Variants in SV2C observed in about 807,000 individuals in gnomAD.
SV2C encodes the protein synaptic vesicle glycoprotein 2C, also known as solute carrier family 22 member B3.
In SV2C, 49 loss-of-function variants were observed where a neutral mutation model predicts 79.7. That is an observed-to-expected ratio of 0.61 (90% CI 0.49 to 0.78). SV2C has a LOEUF of 0.78. Among genes scored for constraint, SV2C ranks in the 30% least tolerant of loss-of-function variants. The pLI, the probability that SV2C is intolerant of heterozygous loss-of-function variation, is 0.00. For missense variants in SV2C, 833 were observed against 912.9 expected, an observed-to-expected ratio of 0.91 and a Z score of 1.13; for synonymous variants, 334 against 333.2, an observed-to-expected ratio of 1.00 and a Z score of -0.03.
intron 2 of SV2C, among the ~76,000 whole-genome samples, chr5:76,167,111 G>A (rs1743069306): frequency 6.6e-6 from 1 of 152,192 alleles, no homozygotes; most frequent in Non-Finnish European, 1.5e-5. Flanking sequence ...ATTCTGTCAT[G>A]CTACCGGAAA....
At chr5:75,969,509 G>A in the SV2C span, among the ~76,000 whole-genome samples, 5 of 152,124 alleles carry the variant, frequency 3.3e-5, no homozygotes, top group Non-Finnish European at 7.4e-5. Flanking sequence ...ACAAAAAAAG[G>A]CAGGCATTGC....
the SV2C span, among the ~76,000 whole-genome samples, chr5:75,878,437 C>G: frequency 6.6e-6 from 1 of 152,100 alleles, no homozygotes; most frequent in Non-Finnish European, 1.5e-5. Flanking sequence ...TGCATCTATA[C>G]TGTGTAGTAA....
chr5:75,884,783 TATGTCA>T, the SV2C span, among the ~76,000 whole-genome samples: 1 of 151,932 alleles, frequency 6.6e-6, no homozygotes, highest in Non-Finnish European at 1.5e-5. Flanking sequence ...ACAACTATTA[TATGTCA>T]ATTATAAATA....
At chr5:76,258,774 C>T (rs139364739) in intron 4 of SV2C, among the ~76,000 whole-genome samples, 2 of 152,266 alleles carry the variant, frequency 1.3e-5, no homozygotes, top group East Asian at 3.9e-4. Context: ...TAACCACCAC[C>T]CAAATCAGGA....
the SV2C span, among the ~76,000 whole-genome samples, chr5:75,968,676 T>C: frequency 1.3e-5 from 2 of 152,132 alleles, no homozygotes; most frequent in African/African-American, 4.8e-5. Context: ...TGGGACTATG[T>C]GAAAAGACCA....
At chr5:76,287,135 T>A (rs1747383221) in intron 6 of SV2C, among the ~76,000 whole-genome samples, 1 of 152,262 alleles carries the variant, frequency 6.6e-6, no homozygotes, top group Non-Finnish European at 1.5e-5. Context: ...TATCTTGTTC[T>A]AATTTGTGAA....
chr5:75,877,797 T>C, the SV2C span, among the ~76,000 whole-genome samples: 17 of 152,190 alleles, frequency 1.1e-4, no homozygotes, highest in African/African-American at 3.8e-4. Context: ...TGTTGAAGGG[T>C]ATAAGTGTTT....
the SV2C span, among the ~76,000 whole-genome samples, chr5:75,869,932 A>G: frequency 2.0e-5 from 3 of 152,136 alleles, no homozygotes; most frequent in Non-Finnish European, 4.4e-5. Flanking sequence ...AGTCTGCAAA[A>G]CCACAGCGTT....
At chr5:75,850,760 AAAGGAGCTGACTGC>A in the SV2C span, among the ~76,000 whole-genome samples, 7 of 152,188 alleles carry the variant, frequency 4.6e-5, no homozygotes, top group Admixed American at 4.6e-4. Context: ...GGTCAGCAAG[AAAGGAGCTGACTGC>A]AAGGAGACAA....
chr5:75,973,175 G>A, the SV2C span, among the ~76,000 whole-genome samples: 65 of 151,776 alleles, frequency 4.3e-4, no homozygotes, highest in South Asian at 8.3e-4. Context: ...GGGGACGGTT[G>A]TGGGGTGGGG....
the SV2C span, among the ~76,000 whole-genome samples, chr5:76,019,693 C>T: frequency 1.6e-4 from 24 of 151,682 alleles, no homozygotes; most frequent in South Asian, 1.0e-3. Context: ...GTGTCTTGTA[C>T]GCATGAATGA....
At chr5:75,975,138 C>A in the SV2C span, among the ~76,000 whole-genome samples, 1 of 152,226 alleles carries the variant, frequency 6.6e-6, no homozygotes, top group South Asian at 2.1e-4. Context: ...CACTGAAGAG[C>A]CAAACCAAAA....
the SV2C span, among the ~76,000 whole-genome samples, chr5:75,861,337 G>A: frequency 6.6e-6 from 1 of 152,198 alleles, no homozygotes; most frequent in Non-Finnish European, 1.5e-5. Context: ...TGCTGGTGAG[G>A]CTATGGAGAA....
intron 2 of SV2C, among the ~76,000 whole-genome samples, chr5:76,187,983 G>T (rs1401211650): frequency 1.3e-5 from 2 of 152,054 alleles, no homozygotes; most frequent in Admixed American, 1.3e-4. Context: ...TGTTGGTCGG[G>T]TGCAGTGACT....
At chr5:76,258,666 G>A (rs925909206) in intron 4 of SV2C, among the ~76,000 whole-genome samples, 2 of 151,950 alleles carry the variant, frequency 1.3e-5, no homozygotes, top group East Asian at 1.9e-4. Flanking sequence ...TGTTGTTATC[G>A]CACCACTCTT....
intron 2 of SV2C, among the ~76,000 whole-genome samples, chr5:76,163,264 T>A (rs1482576696): frequency 6.6e-6 from 1 of 152,126 alleles, no homozygotes; most frequent in Non-Finnish European, 1.5e-5. Flanking sequence ...GGTTGCACTG[T>A]GTTGATTCAT....
intron 10 of SV2C, among the ~76,000 whole-genome samples, chr5:76,299,795 A>G (rs1747919286): frequency 6.6e-6 from 1 of 152,178 alleles, no homozygotes; most frequent in South Asian, 2.1e-4. Context: ...GAAGACGAAC[A>G]TTTTGTCAGA....
At chr5:75,857,483 C>G in the SV2C span, among the ~76,000 whole-genome samples, 3,732 of 152,198 alleles carry the variant, frequency 0.025, 161 homozygotes, top group African/African-American at 0.085. Context: ...TGTTTATATG[C>G]AATTACCATG....
At chr5:76,175,362 C>T (rs959817947) in intron 2 of SV2C, among the ~76,000 whole-genome samples, 1 of 152,074 alleles carries the variant, frequency 6.6e-6, no homozygotes, top group Non-Finnish European at 1.5e-5. Context: ...TCAAATGGCC[C>T]AGGGGTTAGG....
Sources: gnomAD v4.1 joint callset for allele counts (sites outside exome capture counted in the v4.1 genomes callset) on GRCh38, gnomAD v4.1.1 for gene constraint, MANE v1.5 for transcripts, NCBI Gene and HGNC (gene_info 2026-07-23, HGNC 2026-07-21) for gene names.